The following SERPINE2 variants were observed in gnomAD, a reference collection of about 807,000 sequenced individuals.
SERPINE2 encodes glia-derived nexin.
SERPINE2 carries 14 observed loss-of-function variants against 36.3 expected under a neutral mutation model. The observed-to-expected ratio is 0.39, with a 90% CI of 0.25 to 0.60. The LOEUF (loss-of-function observed/expected upper bound fraction) is 0.60. Among genes scored for constraint, SERPINE2 ranks in the 20% least tolerant of loss-of-function variants. The pLI is 0.57. For synonymous variants in SERPINE2, 192 were observed against 191.8 expected (o/e 1.00, Z -0.01); for missense variants, 418 against 499.6 (o/e 0.84, Z 1.56).
At chr2:224,013,392 G>A (rs1353689178) in intron 1 of SERPINE2, among the ~76,000 whole-genome samples, 1 of 152,172 alleles carries the variant, frequency 6.6e-6, no homozygotes. Context: ...TTTCTGGGGT[G>A]ACTTGCACAG....
chr2:223,984,900 A>G lies in SERPINE2; in HGVS notation c.736T>C (p.Tyr246His). The G allele has an allele frequency of 1.9e-6, 3 of 1,614,188 alleles. No homozygotes were observed. Among genetic ancestry groups the G allele is most frequent in the Non-Finnish European group, 2.5e-6 (3 of 1,180,014 alleles). Residue 246 changes from tyrosine (Y) to histidine (H), a missense_variant, in exon 5 of 9, where the codon TAC becomes CAC. By Grantham distance (83) the Tyr-to-His change is moderately conservative. Transcript: ENST00000409304. ...AGCATGCTGATGCTTTCCCCGTGGT[A>G]GGGCAGTTCAATGAAGTTGTACCAT... ...DLWYNFIELP[Y>H]HGESISMLIA...
chr2:224,000,000 G>C (rs1691048200), intron 2 of SERPINE2, among the ~76,000 whole-genome samples: 1 of 152,198 alleles, frequency 6.6e-6, no homozygotes, highest in Non-Finnish European at 1.5e-5. Context: ...GTGTAATGCT[G>C]CATCAACAGA....
chr2:223,981,621 C>G (rs141020936), intron 6 of SERPINE2: 1 of 152,174 alleles, frequency 6.6e-6, no homozygotes, highest in African/African-American at 2.4e-5. Context: ...TGGTAATGAG[C>G]TAATTTCTTA....
At chr2:224,029,088 A>G (rs1189684147) in intron 1 of SERPINE2, among the ~76,000 whole-genome samples, 1 of 152,236 alleles carries the variant, frequency 6.6e-6, no homozygotes, top group Non-Finnish European at 1.5e-5. Context: ...ACAAGAACAG[A>G]TTTATTATGA....
intron 1 of SERPINE2, among the ~76,000 whole-genome samples, chr2:224,025,577 A>G (rs1020482467): frequency 7.9e-5 from 12 of 152,244 alleles, no homozygotes; most frequent in African/African-American, 2.9e-4. Context: ...TAGAAATAGT[A>G]CTTTTCATTC....
intron 3 of SERPINE2, among the ~76,000 whole-genome samples, chr2:223,993,963 T>C (rs979477070): frequency 4.6e-5 from 7 of 152,238 alleles, no homozygotes; most frequent in Non-Finnish European, 1.0e-4. Context: ...AGCAAGCTCA[T>C]AATTGACTTC....
At chr2:224,002,921 C>A (rs569397544) in intron 1 of SERPINE2, among the ~76,000 whole-genome samples, 1 of 152,080 alleles carries the variant, frequency 6.6e-6, no homozygotes, top group Non-Finnish European at 1.5e-5. Flanking sequence ...GACTCTCACC[C>A]GCACTGAGCT....
chr2:223,980,369 G>T lies in SERPINE2; in HGVS notation c.1014C>A (p.Ile338=). The T allele has an allele frequency of 6.2e-7, 1 of 1,614,128 alleles. No homozygotes were observed. Among genetic ancestry groups the T allele is most frequent in the South Asian group, 1.1e-5 (1 of 91,080 alleles). Residue 338 remains isoleucine (I), a synonymous_variant, in exon 7 of 9, where the codon ATC becomes ATA. Coordinates refer to ENST00000409304, the MANE Select transcript of SERPINE2 (RefSeq NM_001136528.2). ...TGACTTCAATTTTTGCTTTTTGCAA[G>T]ATATGAGAAACATGGAGGTTTTCTG... The part of the protein sequence containing the change: ...TRSENLHVSH[I]LQKAKIEVSE...
intron 1 of SERPINE2, chr2:224,031,445 T>C (rs116598593): frequency 0.015 from 14,968 of 985,510 alleles, 125 homozygotes; most frequent in Non-Finnish European, 0.017. Context: ...GGCAGCACGG[T>C]CCTCTCCACT....
intron 1 of SERPINE2, among the ~76,000 whole-genome samples, chr2:224,022,788 G>T (rs2106193351): frequency 1.3e-5 from 2 of 152,312 alleles, no homozygotes; most frequent in East Asian, 3.9e-4. Context: ...ATCTCTTCTT[G>T]AATTATAATC....
At position 224,005,067 on chromosome 2, in the gene SERPINE2, A is replaced by ATATATTTT. The variant is rs1559209125; in HGVS notation, c.-22-3146_-22-3145insAAAATATA. ...ATATTTTATATATTTTATATATATT[A>ATATATTTT]TATATATATATATATATATATATAT... On this transcript the variant is annotated intron_variant, in intron 1 of 8. Coordinates refer to ENST00000409304, the MANE Select transcript of SERPINE2 (RefSeq NM_001136528.2). 3.6e-3 allele frequency among the ~76,000 whole-genome samples: 30 copies of ATATATTTT among 8,224 alleles called. 1 individual carries two copies. Among genetic ancestry groups the ATATATTTT allele is most frequent in the Non-Finnish European group, 5.3e-3 (16 of 3,020 alleles). The allele number at this position is 8,224 out of a possible 152,430, so 5.4% of individuals were successfully genotyped here.
At chr2:224,005,482 G>A (rs140213622) in intron 1 of SERPINE2, among the ~76,000 whole-genome samples, 177 of 152,228 alleles carry the variant, frequency 1.2e-3, no homozygotes, top group African/African-American at 3.5e-3. Flanking sequence ...GCTTATATAC[G>A]TGTCTAAGAA....
In SERPINE2 at chr2:223,984,946, C is replaced by G; in HGVS notation, c.690G>C (p.Ser230=). The change falls in exon 5 of 9, where the codon TCG becomes TCC. Residue 230 remains serine, a synonymous_variant. Transcript: ENST00000409304. ...LAQLSVFRCG[S]TSAPNDLWYN... The stretch of plus-strand genomic sequence containing the variant: ...ACCATAAATCATTGGGGGCACTTGT[C>G]GACCCTAAAGAAATCAGAAGCAGGT... 6.2e-7 allele frequency: 1 copy of G among 1,614,060 alleles called. No homozygotes were observed.
At chr2:223,991,012 T>C (rs1690643596) in intron 4 of SERPINE2, among the ~76,000 whole-genome samples, 1 of 152,180 alleles carries the variant, frequency 6.6e-6, no homozygotes, top group Non-Finnish European at 1.5e-5. Flanking sequence ...ATAATTTTTC[T>C]GAAATCCTAC....
At chr2:223,984,976 T>G (rs765925591) in intron 4 of SERPINE2, 26 bp from the exon 5 acceptor site, 2 of 1,608,754 alleles carry the variant, frequency 1.2e-6, no homozygotes, top group South Asian at 1.1e-5. Flanking sequence ...GCAGGTTCAG[T>G]GTATCCTTGT....
At chr2:224,008,118 T>G (rs139198948) in intron 1 of SERPINE2, among the ~76,000 whole-genome samples, 1 of 152,202 alleles carries the variant, frequency 6.6e-6, no homozygotes, top group Non-Finnish European at 1.5e-5. Context: ...CAGATTCAAG[T>G]CAATTTTCTC....
intron 3 of SERPINE2, among the ~76,000 whole-genome samples, chr2:223,997,682 T>A (rs918846839): frequency 6.6e-6 from 1 of 152,158 alleles, no homozygotes. Flanking sequence ...AGGGTACCTA[T>A]GTCTTTGGCA....
chr2:223,983,940 G>C (rs564563561), intron 5 of SERPINE2, among the ~76,000 whole-genome samples: 1 of 146,266 alleles, frequency 6.8e-6, no homozygotes, highest in East Asian at 2.0e-4. Context: ...TTTATATCAA[G>C]CATTGCCTAC....
intron 1 of SERPINE2, among the ~76,000 whole-genome samples, chr2:224,028,723 T>C (rs1692266615): frequency 1.3e-5 from 2 of 152,216 alleles, no homozygotes; most frequent in South Asian, 4.1e-4. Flanking sequence ...CTAATAGTAC[T>C]TGACACACTG....
Sources: gnomAD v4.1 joint callset for allele counts (sites outside exome capture counted in the v4.1 genomes callset) on GRCh38, gnomAD v4.1.1 for gene constraint, MANE v1.5 for transcripts, NCBI Gene and HGNC (gene_info 2026-07-23, HGNC 2026-07-21) for gene names.